The following PPL variants were observed in gnomAD, a reference collection of about 807,000 sequenced individuals.
PPL encodes the protein 190 kDa paraneoplastic pemphigus antigen.
PPL carries 198 observed loss-of-function variants against 194.4 expected under a neutral mutation model. That is an observed-to-expected ratio of 1.02 (90% confidence interval 0.91 to 1.15). PPL has a LOEUF of 1.15. Ranked by LOEUF, PPL falls within the 50% of genes most tolerant of loss-of-function variation. The pLI is 0.00. For synonymous variants in PPL, 1,220 were observed against 972.4 expected, an observed-to-expected ratio of 1.25 and a Z score of -4.74; for missense variants, 2,885 against 2,294.8, an observed-to-expected ratio of 1.26 and a Z score of -5.25.
chr16:4,891,399 A>G (rs554791286), intron 16 of PPL: 1 of 167,794 alleles, frequency 6.0e-6, no homozygotes, highest in South Asian at 1.9e-4. Context: ...CTGCTCAGCA[A>G]GAGATACTGG....
chr16:4,887,473 T>TA (rs1165400444), intron 20 of PPL, among the ~76,000 whole-genome samples: 3 of 152,168 alleles, frequency 2.0e-5, no homozygotes, highest in African/African-American at 7.2e-5. Context: ...TTCTGCCTCT[T>TA]AGAGCACCAG....
chr16:4,886,378 A>G (rs2088220156), intron 21 of PPL, among the ~76,000 whole-genome samples: 1 of 152,204 alleles, frequency 6.6e-6, no homozygotes, highest in Admixed American at 6.5e-5. Context: ...AGTATGTACC[A>G]TGTGTTTATC....
At chr16:4,887,844 C>T (rs1230110163) in intron 20 of PPL, among the ~76,000 whole-genome samples, 2 of 152,222 alleles carry the variant, frequency 1.3e-5, no homozygotes, top group African/African-American at 2.4e-5. Context: ...AGTTCTCCCA[C>T]CTCGGCCTCC....
chr16:4,920,135 T>C (rs1014773482), intron 1 of PPL, among the ~76,000 whole-genome samples: 3 of 150,898 alleles, frequency 2.0e-5, no homozygotes, highest in Admixed American at 6.6e-5. Flanking sequence ...ATACAAAAAA[T>C]TAGCTGGGCA....
chr16:4,936,973 C>T lies in PPL; in HGVS notation c.62+11G>A, dbSNP rs1300427870. The T allele has an allele frequency of 1.3e-6, 2 of 1,585,556 alleles. No individual in the cohort carries two copies. The highest frequency in any genetic ancestry group is 1.7e-6 in the Non-Finnish European group (2 of 1,166,548). On this transcript the variant is annotated intron_variant, in intron 1 of 21. Coordinates refer to ENST00000345988, the MANE Select transcript of PPL (RefSeq NM_002705.5). ...GAGCGTCCCGGAGCGGAGCTGTGGG[C>T]GCCTCCTCACCTCCGGGTCTGCACA...
chr16:4,883,749 G>A lies in PPL; in HGVS notation c.4906C>T (p.Leu1636=). The change falls in exon 22 of 22, where the codon CTG becomes TTG. Residue 1636 remains leucine, a synonymous_variant. Coordinates refer to ENST00000345988, the MANE Select transcript of PPL (RefSeq NM_002705.5). This position sits in a 1 kb window ranked among gnomAD's most constrained non-coding sequence, Gnocchi z 4.8. ...GCCACGGAGCCCAGGCGCTTCTGCA[G>A]CTCGTCGATCTCGAGGTCTTTGTCC... is the stretch of plus-strand genomic sequence containing the variant. ...SKDKDLEIDE[L]QKRLGSVAVK... The A allele has an allele frequency of 1.9e-6, 3 of 1,614,038 alleles. No homozygotes were observed. The highest frequency in any genetic ancestry group is 2.5e-6 in the Non-Finnish European group (3 of 1,180,018).
At chr16:4,901,544 C>T (rs2088570891) in intron 4 of PPL, among the ~76,000 whole-genome samples, 1 of 151,934 alleles carries the variant, frequency 6.6e-6, no homozygotes, top group Admixed American at 6.6e-5. Context: ...AAAAAATTAG[C>T]CAGGTGTGGT....
At chr16:4,892,509 C>T (rs2088339418) in intron 14 of PPL, among the ~76,000 whole-genome samples, 1 of 152,170 alleles carries the variant, frequency 6.6e-6, no homozygotes, top group African/African-American at 2.4e-5. Flanking sequence ...TTAATCTTTG[C>T]GGCAACCCCG....
chr16:4,892,113 GGT>G lies in PPL; in HGVS notation c.1749_1750del (p.Leu585AlafsTer27). 6.2e-7 allele frequency: 1 copy of G among 1,613,810 alleles called. No individual in the cohort carries two copies. Among genetic ancestry groups the G allele is most frequent in the Non-Finnish European group, 8.5e-7 (1 of 1,180,034 alleles). Reference sequence around the variant, plus strand: ...GTCCTCCACCCGGGTCCTCAGCAGGGGTGTGGTGCCACTGCCTGGGAGGGCCT... The same window carrying G: ...GTCCTCCACCCGGGTCCTCAGCAGGGGTGGTGCCACTGCCTGGGAGGGCCT... On this transcript the variant is annotated frameshift_variant, in exon 15 of 22. Coordinates refer to ENST00000345988, the MANE Select transcript of PPL (RefSeq NM_002705.5). LOFTEE classifies it high-confidence loss of function.
intron 1 of PPL, among the ~76,000 whole-genome samples, chr16:4,917,373 A>G (rs2088944085): frequency 6.6e-6 from 1 of 152,198 alleles, no homozygotes; most frequent in Non-Finnish European, 1.5e-5. Context: ...AGGAACCTCG[A>G]GAATGTTATG....
Position 4,885,042 on chromosome 16 carries a change from C to T in PPL, c.3613G>A (p.Ala1205Thr), listed in dbSNP as rs1398325174. The change falls in exon 22 of 22, where the codon GCC becomes ACC. Residue 1205 changes from alanine (A) to threonine (T), a missense_variant. Ala to Thr is a moderately conservative substitution (Grantham distance 58, BLOSUM62 0). Transcript: ENST00000345988. This position sits in a 1 kb window ranked among gnomAD's most constrained non-coding sequence, Gnocchi z 6.3. ...LVEQERKYRG[A>T]EEQLRSYQSE... ...TGGTAGCTCCGGAGCTGCTCCTCGG[C>T]ACCCCGGTACTTTCGCTCCTGCTCC... is the stretch of plus-strand genomic sequence containing the variant. 3 of 1,613,672 alleles carry T rather than the reference C, an allele frequency of 1.9e-6. No homozygotes were observed. Among genetic ancestry groups the T allele is most frequent in the Admixed American group, 1.7e-5 (1 of 60,034 alleles).
In PPL at chr16:4,885,452, G is replaced by A; in HGVS notation, c.3203C>T (p.Ala1068Val). 6.2e-7 allele frequency: 1 copy of A among 1,611,978 alleles called. No individual in the cohort carries two copies. The highest frequency in any genetic ancestry group is 8.5e-7 in the Non-Finnish European group (1 of 1,179,852). ...GTCCTCCTGCAGCTGCTGGTACTCT[G>A]CCTCCAGCTGGGGGTCATTCTGCAG... ...VKLQNDPQLE[A>V]EYQQLQEDHQ... Residue 1068 changes from alanine to valine, a missense_variant, in exon 22 of 22, where the codon GCA (alanine) becomes GTA (valine). Physicochemically the swap from Ala to Val is moderately conservative, Grantham distance 64. Transcript: ENST00000345988. This position sits in a 1 kb window ranked among gnomAD's most constrained non-coding sequence, Gnocchi z 6.3.
chr16:4,918,481 A>G (rs1568045712), intron 1 of PPL, among the ~76,000 whole-genome samples: 1 of 152,108 alleles, frequency 6.6e-6, no homozygotes, highest in East Asian at 1.9e-4. Flanking sequence ...AGCAAGTCAC[A>G]TATATATTAG....
rs145092412 is a variant in PPL, at chr16:4,885,942, G to A, written c.2713C>T (p.Arg905Trp). ...IRKELDEETE[R>W]RRQLENEVKS... ...ACCTCGTTCTCCAGCTGCCGCCTCC[G>A]CTCAGTCTCCTCATCCAGTTCCTTC... The change falls in exon 22 of 22, where the codon CGG (arginine) becomes TGG (tryptophan). Residue 905 changes from arginine to tryptophan, a missense_variant. Physicochemically the swap from Arg to Trp is moderately radical, Grantham distance 101. Coordinates refer to ENST00000345988, the MANE Select transcript of PPL (RefSeq NM_002705.5). This position sits in a 1 kb window ranked among gnomAD's most constrained non-coding sequence, Gnocchi z 6.3. 3.7e-5 allele frequency: 60 copies of A among 1,613,070 alleles called. No homozygotes were observed. Among genetic ancestry groups the A allele is most frequent in the South Asian group, 5.5e-5 (5 of 91,080 alleles).
Position 4,910,929 on chromosome 16 carries a change from G to A in PPL, c.83C>T (p.Ser28Leu), listed in dbSNP as rs577728221. The change falls in exon 2 of 22, where the codon TCG (serine) becomes TTG (leucine). Residue 28 changes from serine to leucine, a missense_variant. By Grantham distance (145) the Ser-to-Leu change is moderately radical. Coordinates refer to ENST00000345988, the MANE Select transcript of PPL (RefSeq NM_002705.5). Reference protein sequence around the residue: ...QTRSISNKELSELIEQLQKNA... With the variant: ...QTRSISNKELLELIEQLQKNA... ...CTTCTGCAGCTGCTCGATCAGCTCC[G>A]AGAGCTCCTTGTTAGAGATGCTGCG... is the stretch of plus-strand genomic sequence containing the variant. The A allele has an allele frequency of 6.0e-5, 96 of 1,613,034 alleles. No individual in the cohort carries two copies. The highest frequency in any genetic ancestry group is 1.7e-4 in the Middle Eastern group (1 of 6,036).
chr16:4,896,597 G>A (rs185290322), intron 9 of PPL, among the ~76,000 whole-genome samples: 1 of 152,002 alleles, frequency 6.6e-6, no homozygotes, highest in Non-Finnish European at 1.5e-5. Context: ...TGGGGCTGGG[G>A]GAGTGGGAAT....
intron 1 of PPL, among the ~76,000 whole-genome samples, chr16:4,912,761 C>T (rs62036157): frequency 0.025 from 3,795 of 152,258 alleles, 68 homozygotes; most frequent in Middle Eastern, 0.068. Context: ...GTGTGACAGC[C>T]GTGGTGGCGT....
At position 4,910,837 on chromosome 16, in the gene PPL, T is replaced by C. The variant is rs1490248544; in HGVS notation, c.162+13A>G. The C allele has an allele frequency of 1.2e-6, 2 of 1,610,932 alleles. No homozygotes were observed. The highest frequency in any genetic ancestry group is 2.7e-5 in the African/African-American group (2 of 74,734). On this transcript the variant is annotated intron_variant, in intron 2 of 21. Transcript: ENST00000345988. The stretch of plus-strand genomic sequence containing the variant: ...CGGGGCACCCAGGTGGGAGTGGGAG[T>C]GGGGGCACTCACACTCTGCATCTTG...
chr16:4,901,119 A>G, intron 4 of PPL, 30 bp from the exon 5 acceptor site: 3 of 1,611,736 alleles, frequency 1.9e-6, no homozygotes, highest in Non-Finnish European at 2.5e-6. Flanking sequence ...AGCAATAAGG[A>G]GAGGGTGGGC....
Sources: gnomAD v4.1 joint callset for allele counts (sites outside exome capture counted in the v4.1 genomes callset) on GRCh38, gnomAD v4.1.1 for gene constraint, Gnocchi (gnomAD v3.1) non-coding constraint, MANE v1.5 for transcripts, NCBI Gene and HGNC (gene_info 2026-07-23, HGNC 2026-07-21) for gene names.